MAP4: variants seen among roughly 807,000 people sequenced by gnomAD.
The protein encoded by MAP4 is microtubule associated protein 4.
In MAP4, 76 loss-of-function variants were observed where a neutral mutation model predicts 170.2. The observed-to-expected ratio is 0.45, with a 90% CI of 0.37 to 0.54. The LOEUF (loss-of-function observed/expected upper bound fraction) is 0.54, where lower values mean the gene tolerates loss of function less well. Among genes scored for constraint, MAP4 ranks in the 20% least tolerant of loss-of-function variants. The pLI, the probability that MAP4 is intolerant of heterozygous loss-of-function variation, is 0.00. For synonymous variants in MAP4, 909 were observed against 994.5 expected (o/e 0.91, Z 1.62); for missense variants, 2,506 against 2,748.0 (o/e 0.91, Z 1.97).
intron 1 of MAP4, among the ~76,000 whole-genome samples, chr3:48,003,987 T>C (rs1356396134): frequency 6.6e-6 from 1 of 152,238 alleles, no homozygotes; most frequent in Non-Finnish European, 1.5e-5. Flanking sequence ...GGACTTGGAC[T>C]GGCTTTCCTC....
chr3:48,086,555 C>T (rs1474719034), intron 1 of MAP4, among the ~76,000 whole-genome samples: 1 of 152,158 alleles, frequency 6.6e-6, no homozygotes, highest in East Asian at 1.9e-4. Flanking sequence ...AGGAGAACTG[C>T]TTGAACTCCG....
intron 1 of MAP4, among the ~76,000 whole-genome samples, chr3:48,011,989 T>TG (rs978262811): frequency 2.6e-5 from 4 of 152,190 alleles, no homozygotes; most frequent in Non-Finnish European, 1.5e-5. Flanking sequence ...GAAACTGTCC[T>TG]GGGTAAATCC....
intron 4 of MAP4, among the ~76,000 whole-genome samples, chr3:47,923,367 G>A (rs972245572): frequency 1.3e-5 from 2 of 150,940 alleles, no homozygotes; most frequent in Non-Finnish European, 2.9e-5. Flanking sequence ...CCACTGCATC[G>A]GGAAGTGTGA....
chr3:47,894,971 G>A (rs1456302197), intron 10 of MAP4, among the ~76,000 whole-genome samples: 2 of 150,922 alleles, frequency 1.3e-5, no homozygotes, highest in African/African-American at 2.4e-5. Context: ...GGCTGCAGTG[G>A]GCCGTGATCA....
At chr3:47,860,386 G>A (rs1045997926) in intron 17 of MAP4, among the ~76,000 whole-genome samples, 3 of 152,192 alleles carry the variant, frequency 2.0e-5, no homozygotes, top group Non-Finnish European at 4.4e-5. Flanking sequence ...TAGAGAAGGG[G>A]TTTCGCCAAG....
Position 47,917,112 on chromosome 3 carries a change from A to C in MAP4, c.715T>G (p.Leu239Val). ...ASEERPPAQA[L>V]EIMMGLKTTD... The stretch of plus-strand genomic sequence containing the variant: ...GTCTTCAGTCCCATCATTATTTCCA[A>C]TGCTTGTGCTGGTGGCCTCTCTTCT... Residue 239 changes from leucine to valine, a missense_variant, in exon 7 of 21, where the codon TTG becomes GTG. This residue lies in a region of MAP4 where 2,008 missense variants were observed against 2,206.0 expected (regional missense o/e 0.91). Coordinates refer to ENST00000683076, the MANE Select transcript of MAP4 (RefSeq NM_001385682.1). The C allele has an allele frequency of 6.2e-7, 1 of 1,614,084 alleles. No individual in the cohort carries two copies. The highest frequency in any genetic ancestry group is 8.5e-7 in the Non-Finnish European group (1 of 1,179,982).
intron 8 of MAP4, 67 bp downstream of exon 8, chr3:47,914,750 T>C (rs1253847455): frequency 8.2e-6 from 13 of 1,586,408 alleles, no homozygotes; most frequent in Middle Eastern, 3.3e-4. Flanking sequence ...CTAGAGACAA[T>C]GTCTACCATC....
At chr3:47,864,632 G>A (rs760762479) in intron 17 of MAP4, among the ~76,000 whole-genome samples, 2 of 151,884 alleles carry the variant, frequency 1.3e-5, no homozygotes, top group Non-Finnish European at 1.5e-5. Context: ...AGCCGAGATC[G>A]CACCACTGCA....
intron 10 of MAP4, among the ~76,000 whole-genome samples, chr3:47,902,569 G>A (rs1471758704): frequency 1.3e-5 from 2 of 151,038 alleles, no homozygotes; most frequent in East Asian, 3.9e-4. Flanking sequence ...AACTACTCAG[G>A]AGGCTGAGGC....
chr3:47,857,859 C>G (rs1298171543), intron 17 of MAP4, among the ~76,000 whole-genome samples: 1 of 151,984 alleles, frequency 6.6e-6, no homozygotes, highest in East Asian at 1.9e-4. Flanking sequence ...CAGGCGTGTA[C>G]CACCACATCT....
intron 10 of MAP4, chr3:47,891,677 T>A (rs1389629362): frequency 6.5e-7 from 1 of 1,536,436 alleles, no homozygotes; most frequent in South Asian, 1.2e-5. Context: ...CTCCTTATCA[T>A]GGTCTCTGAT....
intron 10 of MAP4, chr3:47,892,061 G>A: frequency 6.5e-7 from 1 of 1,536,134 alleles, no homozygotes; most frequent in Non-Finnish European, 8.7e-7. Flanking sequence ...CCCCTGAACT[G>A]GAATGGTTTT....
chr3:47,854,232 C>T (rs994567210), intron 19 of MAP4, among the ~76,000 whole-genome samples: 2 of 152,208 alleles, frequency 1.3e-5, no homozygotes, highest in African/African-American at 4.8e-5. Flanking sequence ...TCGCTGTGTC[C>T]TTGGAAAAGA....
intron 1 of MAP4, among the ~76,000 whole-genome samples, chr3:48,011,320 G>T (rs1011896119): frequency 3.3e-5 from 5 of 152,132 alleles, no homozygotes; most frequent in Non-Finnish European, 7.3e-5. Flanking sequence ...CTTGAAGCCA[G>T]GAGATTGAGA....
chr3:47,856,309 T>C (rs1010139067), intron 18 of MAP4, among the ~76,000 whole-genome samples: 1 of 152,132 alleles, frequency 6.6e-6, no homozygotes, highest in African/African-American at 2.4e-5. Flanking sequence ...AGTGACTCAG[T>C]GTCATTAGAG....
intron 19 of MAP4, among the ~76,000 whole-genome samples, chr3:47,853,962 G>A (rs2049523196): frequency 6.6e-6 from 1 of 152,192 alleles, no homozygotes; most frequent in African/African-American, 2.4e-5. Context: ...GAGGACATTT[G>A]GGGGACATGG....
Position 48,010,023 on chromosome 3 carries a change from C to T in MAP4, c.-20+6311G>A, listed in dbSNP as rs149984338. Among the ~76,000 whole-genome samples, 42 of 152,248 alleles carry T rather than the reference C, an allele frequency of 2.8e-4. 1 individual carries two copies. Among genetic ancestry groups the T allele is most frequent in the Admixed American group, 1.2e-3 (19 of 15,292 alleles). ...ATGAAATCAGTCTACAACTTCACAA[C>T]GGAAGTAAGGAAGAGTATGCATGGA... On this transcript the variant is annotated intron_variant, in intron 1 of 20. Transcript: ENST00000683076.
rs1004946799 is a variant in MAP4, at chr3:47,904,235, A to ATG, written c.5384-1237_5384-1236dup. ...AGATAATCTTTAATAGTGTTATTTT[A>ATG]TGTGTGTGTGTATGATCTATTTACC... On this transcript the variant is annotated intron_variant, in intron 9 of 20. Transcript: ENST00000683076. 3.3e-5 allele frequency among the ~76,000 whole-genome samples: 5 copies of ATG among 152,110 alleles called. No homozygotes were observed. The East Asian group carries it at 7.7e-4, about 23-fold the overall frequency.
intron 4 of MAP4, 130 bp from the exon 5 acceptor site, chr3:47,922,008 T>C: frequency 1.8e-6 from 1 of 570,766 alleles, no homozygotes; most frequent in South Asian, 2.4e-5. Context: ...AGTGCAGTGG[T>C]GCCATCTTGG....
Sources: allele counts gnomAD v4.1 joint callset (sites outside exome capture counted in the v4.1 genomes callset), GRCh38; gene constraint gnomAD v4.1.1; regional missense constraint gnomAD v4.1.1; transcripts MANE v1.5; gene names NCBI Gene and HGNC (gene_info 2026-07-23, HGNC 2026-07-21).